Variants in SYT2 observed in about 807,000 individuals in gnomAD.
The protein encoded by SYT2 is synaptotagmin-2.
A neutral mutation model predicts 39.9 loss-of-function variants in SYT2; 15 were observed. That is an observed-to-expected ratio of 0.38 (90% CI 0.25 to 0.58). The LOEUF is 0.58. SYT2 is among the 20% of genes least tolerant of loss of function. The pLI, the probability that SYT2 is intolerant of heterozygous loss-of-function variation, is 0.70. For missense variants in SYT2, 389 were observed against 530.3 expected (o/e 0.73, Z 2.62); for synonymous variants, 181 against 204.5 (o/e 0.89, Z 0.98).
intron 1 of SYT2, among the ~76,000 whole-genome samples, chr1:202,700,385 G>A (rs1056551491): frequency 6.6e-6 from 1 of 152,170 alleles, no homozygotes; most frequent in African/African-American, 2.4e-5. Flanking sequence ...CTGTGTGCCC[G>A]GCTCTGGGCT....
chr1:202,652,248 G>A (rs554108105), intron 1 of SYT2, among the ~76,000 whole-genome samples: 1 of 152,348 alleles, frequency 6.6e-6, no homozygotes, highest in Non-Finnish European at 1.5e-5. Flanking sequence ...TCTGAGGATG[G>A]CTCCCTGGGG....
chr1:202,667,667 C>A (rs1692506659), intron 1 of SYT2, among the ~76,000 whole-genome samples: 1 of 151,882 alleles, frequency 6.6e-6, no homozygotes, highest in South Asian at 2.1e-4. Flanking sequence ...TGGACTGAGC[C>A]CACAGTAGGC....
At chr1:202,639,535 C>T (rs1317949243) in intron 1 of SYT2, 23 of 985,344 alleles carry the variant, frequency 2.3e-5, no homozygotes, top group Non-Finnish European at 2.7e-5. Context: ...TCATCTAACA[C>T]ATCTCTGTGG....
chr1:202,663,383 C>T (rs145650111), intron 1 of SYT2, among the ~76,000 whole-genome samples: 1 of 152,294 alleles, frequency 6.6e-6, no homozygotes, highest in African/African-American at 2.4e-5. Flanking sequence ...GGTTGCTGGG[C>T]GTCACCATCT....
chr1:202,627,636 T>C (rs2149088432), intron 1 of SYT2: 1 of 985,310 alleles, frequency 1.0e-6, no homozygotes, highest in Non-Finnish European at 1.2e-6. Flanking sequence ...AGGAAGGGCA[T>C]GAAGACCACT....
chr1:202,616,901 G>A (rs1319470467), intron 1 of SYT2, among the ~76,000 whole-genome samples: 6 of 152,166 alleles, frequency 3.9e-5, no homozygotes, highest in African/African-American at 7.2e-5. Context: ...ACTGGCCCCC[G>A]ACATAGCTGC....
chr1:202,613,665 C>T (rs1310707842), intron 1 of SYT2, among the ~76,000 whole-genome samples: 1 of 152,066 alleles, frequency 6.6e-6, no homozygotes, highest in East Asian at 1.9e-4. Flanking sequence ...ATCAGTTGAG[C>T]CTAGCTCCTC....
chr1:202,660,058 A>C (rs1692349410), intron 1 of SYT2, among the ~76,000 whole-genome samples: 1 of 152,106 alleles, frequency 6.6e-6, no homozygotes, highest in Admixed American at 6.5e-5. Context: ...TTCCATCAAA[A>C]CACAGGCTGG....
At chr1:202,685,558 C>T (rs1316937407) in intron 1 of SYT2, among the ~76,000 whole-genome samples, 1 of 152,118 alleles carries the variant, frequency 6.6e-6, no homozygotes, top group Non-Finnish European at 1.5e-5. Flanking sequence ...AGCTTCTTTC[C>T]CAGGTAATTC....
chr1:202,663,077 T>C (rs540348459), intron 1 of SYT2, among the ~76,000 whole-genome samples: 9 of 148,062 alleles, frequency 6.1e-5, no homozygotes, highest in South Asian at 2.2e-4. Flanking sequence ...TTTCTGGAAG[T>C]TTTCCTGGGA....
chr1:202,598,314 T>C (rs1050023755), intron 8 of SYT2, among the ~76,000 whole-genome samples: 10 of 152,134 alleles, frequency 6.6e-5, no homozygotes, highest in African/African-American at 2.2e-4. Context: ...GAACATTACA[T>C]TGGTTTTAGG....
chr1:202,608,607 A>G (rs1342486562), intron 1 of SYT2, among the ~76,000 whole-genome samples: 1 of 152,158 alleles, frequency 6.6e-6, no homozygotes, highest in Non-Finnish European at 1.5e-5. Flanking sequence ...CCATTCATCA[A>G]TTTATAAATA....
chr1:202,692,150 G>A (rs1049576809), intron 1 of SYT2, among the ~76,000 whole-genome samples: 2 of 152,046 alleles, frequency 1.3e-5, no homozygotes, highest in African/African-American at 4.8e-5. Context: ...AGGGAGGGAG[G>A]GAGAGCCCAG....
chr1:202,608,239 C>A (rs1250956400), intron 1 of SYT2, among the ~76,000 whole-genome samples: 1 of 151,886 alleles, frequency 6.6e-6, no homozygotes, highest in African/African-American at 2.4e-5. Context: ...GTATTTCATT[C>A]CCTTTTTATT....
intron 1 of SYT2, among the ~76,000 whole-genome samples, chr1:202,688,249 T>C (rs1572680369): frequency 1.3e-5 from 2 of 152,244 alleles, no homozygotes; most frequent in African/African-American, 4.8e-5. Context: ...TGACCTCCCA[T>C]AGTGGCTCCG....
In SYT2 at chr1:202,627,453, A is replaced by C. The variant is rs538776833; in HGVS notation, c.-17-21664T>G. 2.6e-5 allele frequency: 26 copies of C among 985,382 alleles called. No homozygotes were observed. The African/African-American group carries it at 4.5e-4, about 17-fold the overall frequency. The allele number at this position is 985,382 out of a possible 1,614,324, so 61.0% of individuals were successfully genotyped here. A position where few individuals can be genotyped will look rare whatever the true frequency, so the allele number is the denominator to read the frequency against. On this transcript the variant is annotated intron_variant, in intron 1 of 8. Coordinates refer to ENST00000367268, the MANE Select transcript of SYT2 (RefSeq NM_177402.5). ...AGAAGAGAAACCCCAAAGCCAAAAG[A>C]GGCACCCTGTCTAGGTCAGACCGTG...
In SYT2 at chr1:202,602,014, A is replaced by AT; in HGVS notation, c.676dup (p.Ile226AsnfsTer3). On this transcript the variant is annotated frameshift_variant, in exon 6 of 9. Coordinates refer to ENST00000367268, the MANE Select transcript of SYT2 (RefSeq NM_177402.5). LOFTEE classifies it high-confidence loss of function. ...TTTGGAGAAGCGGTCAAAGTCATAG[A>AT]TGGCCATCACCAGAGTTTTGCCCCC... The AT allele has an allele frequency of 6.2e-7, 1 of 1,614,188 alleles. No homozygotes were observed. Among genetic ancestry groups the AT allele is most frequent in the Non-Finnish European group, 8.5e-7 (1 of 1,180,032 alleles).
intron 1 of SYT2, among the ~76,000 whole-genome samples, chr1:202,673,943 G>C (rs1653246513): frequency 6.6e-6 from 1 of 152,172 alleles, no homozygotes; most frequent in Non-Finnish European, 1.5e-5. Context: ...CTGGGTAGGA[G>C]TGGATATGGG....
At chr1:202,657,488 C>T (rs1301287753) in intron 1 of SYT2, among the ~76,000 whole-genome samples, 1 of 152,180 alleles carries the variant, frequency 6.6e-6, no homozygotes, top group Non-Finnish European at 1.5e-5. Flanking sequence ...GGGGCTACCA[C>T]AAGGCTCTGG....
Sources: allele counts gnomAD v4.1 joint callset (sites outside exome capture counted in the v4.1 genomes callset), GRCh38; gene constraint gnomAD v4.1.1; transcripts MANE v1.5; gene names NCBI Gene and HGNC (gene_info 2026-07-23, HGNC 2026-07-21).